NDUFB7: variants seen among roughly 807,000 people sequenced by gnomAD.
NDUFB7 encodes the protein NADH:ubiquinone oxidoreductase subunit B7.
Under a neutral mutation model 14.7 loss-of-function variants are expected in NDUFB7, and 18 were observed. The observed-to-expected ratio is 1.22, with a 90% CI of 0.85 to 1.81. The LOEUF (loss-of-function observed/expected upper bound fraction) is 1.81. Among genes scored for constraint, NDUFB7 ranks in the 40% most tolerant of loss-of-function variants. NDUFB7 has a pLI of 0.00. For missense variants in NDUFB7, 219 were observed against 195.0 expected (o/e 1.12, Z -0.73); for synonymous variants, 86 against 76.1 (o/e 1.13, Z -0.68).
Position 14,566,109 on chromosome 19 carries a change from T to G in NDUFB7, c.*24A>C, listed in dbSNP as rs2074077943. ...GGCCTGAAGGCTTTTATTTGACTGGTCCATAGGGTGGGGGGTGCACCCCCT... is the reference window on the plus strand; with the variant it reads ...GGCCTGAAGGCTTTTATTTGACTGGGCCATAGGGTGGGGGGTGCACCCCCT... On this transcript the variant is annotated 3_prime_UTR_variant, in exon 3 of 3. Transcript: ENST00000215565. 1 of 1,598,670 alleles carries G rather than the reference T, an allele frequency of 6.3e-7. No homozygotes were observed. The highest frequency in any genetic ancestry group is 8.5e-7 in the Non-Finnish European group (1 of 1,172,332).
rs1305692960 is a variant in NDUFB7, at chr19:14,566,872, G to T, written c.174C>A (p.Tyr58Ter). Residue 58 changes from tyrosine to a stop codon, truncating the protein, a stop_gained, in exon 2 of 3, where the codon TAC becomes TAA. Transcript: ENST00000215565. LOFTEE classifies it high-confidence loss of function. ...GCAGCCGGATGAGGTGGTGGGCGCA[G>T]TAGTCCCGCAGCTGGAGCCTCAGCT... is the stretch of plus-strand genomic sequence containing the variant. Reference protein sequence around the residue: ...DAQLRLQLRDYCAHHLIRLLK... With the variant: ...DAQLRLQLRD The T allele has an allele frequency of 6.3e-7, 1 of 1,576,460 alleles. No homozygotes were observed. The highest frequency in any genetic ancestry group is 1.8e-5 in the Admixed American group (1 of 55,070).
chr19:14,566,314 G>GC (rs1250822166), intron 2 of NDUFB7, 49 bp from the exon 3 acceptor site: 14 of 1,610,410 alleles, frequency 8.7e-6, no homozygotes, highest in East Asian at 2.2e-5. Flanking sequence ...GCCAGGACAC[G>GC]CCCCCCAAGC....
At chr19:14,568,130 T>A (rs1281978898) in intron 1 of NDUFB7, among the ~76,000 whole-genome samples, 1 of 152,214 alleles carries the variant, frequency 6.6e-6, no homozygotes, top group Non-Finnish European at 1.5e-5. Context: ...CTGCAACCCC[T>A]GTCTCCCAGG....
chr19:14,572,005 G>A lies in NDUFB7; in HGVS notation c.-5C>T, dbSNP rs761301078. 6 of 1,585,002 alleles carry A rather than the reference G, an allele frequency of 3.8e-6. No homozygotes were observed. Among genetic ancestry groups the A allele is most frequent in the African/African-American group, 1.3e-5 (1 of 74,530 alleles). ...CCGGACCAGGTGGGCCCCCATGGCT[G>A]CAGTCGCTGCAGATCCCTGCAGCAG... On this transcript the variant is annotated 5_prime_UTR_variant, in exon 1 of 3. Transcript: ENST00000215565.
Position 14,571,970 on chromosome 19 carries a change from C to A in NDUFB7, c.31G>T (p.Gly11Cys). The change falls in exon 1 of 3, where the codon GGC (glycine) becomes TGC (cysteine). Residue 11 changes from glycine to cysteine, a missense_variant. By Grantham distance (159) the Gly-to-Cys change is radical. Transcript: ENST00000215565. Reference sequence around the variant, plus strand: ...GGGTCGGGCTCCACCGAGGCATCGCCCAGGTAGCGCCGGACCAGGTGGGCC... The same window carrying A: ...GGGTCGGGCTCCACCGAGGCATCGCACAGGTAGCGCCGGACCAGGTGGGCC... MGAHLVRRYLGDASVEPDPLQ... is the reference protein window; with the variant it reads MGAHLVRRYLCDASVEPDPLQ... The A allele has an allele frequency of 6.2e-7, 1 of 1,609,066 alleles. No individual in the cohort carries two copies. The highest frequency in any genetic ancestry group is 8.5e-7 in the Non-Finnish European group (1 of 1,178,236).
At chr19:14,569,650 T>C (rs1213463548) in intron 1 of NDUFB7, among the ~76,000 whole-genome samples, 2 of 152,164 alleles carry the variant, frequency 1.3e-5, no homozygotes, top group East Asian at 1.9e-4. Context: ...ACCAATGAAC[T>C]GCAGGTTCAG....
rs1372150053 is a variant in NDUFB7, at chr19:14,571,891, C to T, written c.110G>A (p.Arg37His). 6.2e-7 allele frequency: 1 copy of T among 1,607,724 alleles called. No individual in the cohort carries two copies. Among genetic ancestry groups the T allele is most frequent in the South Asian group, 1.1e-5 (1 of 90,042 alleles). The change falls in exon 1 of 3, where the codon CGC becomes CAC. Residue 37 changes from arginine to histidine, a missense_variant and splice_region_variant. By Grantham distance (29) the Arg-to-His change is conservative. Transcript: ENST00000215565. The part of the protein sequence containing the change: ...PDYGFPERKE[R>H]EMVATQQEMM... ...TGCGCCTGCGCACTGGGCCTCACCG[C>T]GCTCCTTGCGTTCGGGGAAGCCGTA...
At chr19:14,566,288 G>T (rs988868047) in intron 2 of NDUFB7, 23 bp from the exon 3 acceptor site, 1 of 1,613,350 alleles carries the variant, frequency 6.2e-7, no homozygotes, top group Middle Eastern at 1.6e-4. Flanking sequence ...CACGAGAGGG[G>T]CTGTCAGGGT....
Position 14,566,166 on chromosome 19 carries a change from T to C in NDUFB7, c.381A>G (p.Gly127=). The part of the protein sequence containing the change: ...KKAAELAKGQ[G]PGEVDPKVAL ...CCACCTTGGGGTCCACTTCCCCGGG[T>C]CCCTGGCCTTTGGCCAACTCTGCCG... Residue 127 remains glycine, a synonymous_variant, in exon 3 of 3, where the codon GGA becomes GGG. Transcript: ENST00000215565. The C allele has an allele frequency of 6.2e-7, 1 of 1,613,100 alleles. No individual in the cohort carries two copies. The highest frequency in any genetic ancestry group is 8.5e-7 in the Non-Finnish European group (1 of 1,179,650).
chr19:14,571,207 T>G (rs1301400276), intron 1 of NDUFB7, among the ~76,000 whole-genome samples: 1 of 152,166 alleles, frequency 6.6e-6, no homozygotes, highest in Non-Finnish European at 1.5e-5. Context: ...CGAATCTTCC[T>G]TATTTCCTTG....
At chr19:14,571,684 G>C (rs1457734496) in intron 1 of NDUFB7, among the ~76,000 whole-genome samples, 1 of 152,130 alleles carries the variant, frequency 6.6e-6, no homozygotes, top group Non-Finnish European at 1.5e-5. Flanking sequence ...TTGCTCCCTG[G>C]CTTTTGCTCA....
At chr19:14,570,447 G>A (rs907405631) in intron 1 of NDUFB7, among the ~76,000 whole-genome samples, 3 of 152,052 alleles carry the variant, frequency 2.0e-5, no homozygotes, top group African/African-American at 4.8e-5. Context: ...TGATCTGCCC[G>A]CCTCGGCCTC....
intron 2 of NDUFB7, 116 bp downstream of exon 2, chr19:14,566,649 A>AGGGGGGCTTGGGCGGGCTGGGCATGT: frequency 2.5e-6 from 1 of 405,922 alleles, no homozygotes; most frequent in African/African-American, 5.2e-5. Context: ...CGGGGGTGGG[A>AGGGGGGCTTGGGCGGGCTGGGCATGT]GGGGGGCTTG....
chr19:14,566,293 C>T, intron 2 of NDUFB7, 28 bp from the exon 3 acceptor site: 2 of 1,613,186 alleles, frequency 1.2e-6, no homozygotes, highest in South Asian at 2.2e-5. Context: ...GAGGGGCTGT[C>T]AGGGTCCCTG....
rs898842775 is a variant in NDUFB7 at position 14,566,669 on chromosome 19, G to C, written c.281+96C>G. On this transcript the variant is annotated intron_variant, in intron 2 of 2. Transcript: ENST00000215565. ...GTGGGAGGGGGGCTTGGGCGGGCTG[G>C]GCATGTGGGGGGCTTGGGTGGGCCA... The C allele has an allele frequency of 9.7e-6, 11 of 1,131,324 alleles. No individual in the cohort carries two copies. The Admixed American group carries it at 1.6e-4, about 17-fold the overall frequency. The allele number at this position is 1,131,324 out of a possible 1,614,324, so 70.1% of individuals were successfully genotyped here.
rs9543 is a variant in NDUFB7 at position 14,571,992 on chromosome 19, G to C, written c.9C>G (p.Ala3=). ...CGCCCAGGTAGCGCCGGACCAGGTG[G>C]GCCCCCATGGCTGCAGTCGCTGCAG... MG[A]HLVRRYLGDA... Residue 3 remains alanine, a synonymous_variant, in exon 1 of 3, where the codon GCC becomes GCG. Transcript: ENST00000215565. The C allele has an allele frequency of 0.51, 820,131 of 1,595,678 alleles. 215,299 individuals carry two copies. The highest frequency in any genetic ancestry group is 0.79 in the African/African-American group (58,826 of 74,768).
Position 14,571,945 on chromosome 19 carries a change from G to C in NDUFB7, c.56C>G (p.Pro19Arg), listed in dbSNP as rs369947466. The C allele has an allele frequency of 1.9e-6, 3 of 1,612,092 alleles. No individual in the cohort carries two copies. Among genetic ancestry groups the C allele is most frequent in the Admixed American group, 1.7e-5 (1 of 59,754 alleles). Residue 19 changes from proline to arginine, a missense_variant, in exon 1 of 3, where the codon CCC (proline) becomes CGC (arginine). Physicochemically the swap from Pro to Arg is moderately radical, Grantham distance 103 (BLOSUM62 -2). Transcript: ENST00000215565. The part of the protein sequence containing the change: ...YLGDASVEPD[P>R]LQMPTFPPDY... The stretch of plus-strand genomic sequence containing the variant: ...TGGCGGGAAGGTTGGCATCTGCAGG[G>C]GGTCGGGCTCCACCGAGGCATCGCC...
intron 2 of NDUFB7, 144 bp downstream of exon 2, chr19:14,566,621 G>T: frequency 1.3e-6 from 1 of 744,024 alleles, no homozygotes; most frequent in Non-Finnish European, 2.1e-6. Context: ...TGGGTGGGGT[G>T]CAGGCTGTGG....
chr19:14,567,035 G>C lies in NDUFB7; in HGVS notation c.113-102C>G. The C allele has an allele frequency of 8.1e-7, 1 of 1,238,964 alleles. No individual in the cohort carries two copies. The highest frequency in any genetic ancestry group is 2.6e-5 in the East Asian group (1 of 39,198). The allele number at this position is 1,238,964 out of a possible 1,614,324, so 76.7% of individuals were successfully genotyped here. A position where few individuals can be genotyped will look rare whatever the true frequency, so the allele number is the denominator to read the frequency against. On this transcript the variant is annotated intron_variant, in intron 1 of 2. Coordinates refer to ENST00000215565, the MANE Select transcript of NDUFB7 (RefSeq NM_004146.6). This position sits in a 1 kb window ranked among gnomAD's most constrained non-coding sequence, Gnocchi z 5.1. ...ACACGGCTTCAGGAAGGCACGGCTT[G>C]GGGTGTCCCCCATTCACATCCAGAT...
Sources: allele counts gnomAD v4.1 joint callset (sites outside exome capture counted in the v4.1 genomes callset), GRCh38; gene constraint gnomAD v4.1.1; non-coding constraint Gnocchi (gnomAD v3.1); transcripts MANE v1.5; gene names NCBI Gene and HGNC (gene_info 2026-07-23, HGNC 2026-07-21).